Variants in DCAF1 observed in about 807,000 individuals in gnomAD.
DCAF1 encodes the protein DDB1 and CUL4 associated factor 1.
A neutral mutation model predicts 128.0 loss-of-function variants in DCAF1; 15 were observed. The ratio of observed to expected loss-of-function variants is 0.12; its 90% CI spans 0.08 to 0.18. The LOEUF (loss-of-function observed/expected upper bound fraction) is 0.18. DCAF1 is among the 10% of genes least tolerant of loss of function. The probability of loss-of-function intolerance (pLI) is 1.00; values close to 1 mark genes in which losing one functional copy is unlikely to be tolerated. For missense variants in DCAF1, 988 were observed against 1,649.5 expected (o/e 0.60, Z 6.95); for synonymous variants, 610 against 603.0 (o/e 1.01, Z -0.17).
chr3:51,424,724 A>G (rs1213106610), intron 13 of DCAF1, among the ~76,000 whole-genome samples: 1 of 152,242 alleles, frequency 6.6e-6, no homozygotes, highest in Non-Finnish European at 1.5e-5. Flanking sequence ...ATATAAGGGT[A>G]AAAAAAGCAA....
At chr3:51,401,650 G>A (rs1315106232) in intron 24 of DCAF1, among the ~76,000 whole-genome samples, 1 of 152,196 alleles carries the variant, frequency 6.6e-6, no homozygotes, top group Admixed American at 6.5e-5. Flanking sequence ...AATTGTACAG[G>A]CCAAATACAA....
chr3:51,441,033 C>G lies in DCAF1; in HGVS notation c.1065G>C (p.Leu355=). 1 of 1,612,868 alleles carries G rather than the reference C, an allele frequency of 6.2e-7. No homozygotes were observed. Among genetic ancestry groups the G allele is most frequent in the Non-Finnish European group, 8.5e-7 (1 of 1,179,436 alleles). Residue 355 remains leucine (L), a synonymous_variant, in exon 9 of 25, where the codon CTG becomes CTC. Coordinates refer to ENST00000684031, the MANE Select transcript of DCAF1 (RefSeq NM_001387579.1). ...GCTTCAGGTCAATATAGAACATCAT[C>G]AGCTCCCGTGATCCAAGTTGCATGA... ...PIFMQLGSRE[L]MMFYIDLKQT... is the part of the protein sequence containing the mutation.
chr3:51,445,847 G>A (rs1553640125), intron 6 of DCAF1, among the ~76,000 whole-genome samples: 3 of 152,128 alleles, frequency 2.0e-5, no homozygotes, highest in African/African-American at 4.8e-5. Flanking sequence ...TCTGATGGGT[G>A]TAAAAACAGC....
At chr3:51,413,175 TTCTC>T in intron 21 of DCAF1, 103 bp downstream of exon 21, 3 of 1,547,422 alleles carry the variant, frequency 1.9e-6, no homozygotes, top group South Asian at 1.2e-5. Flanking sequence ...TTTCCATAAC[TTCTC>T]TGTTTTTCAA....
At chr3:51,446,993 T>TAATAATAATAAAAAA (rs1457860366) in intron 6 of DCAF1, among the ~76,000 whole-genome samples, 1 of 147,542 alleles carries the variant, frequency 6.8e-6, no homozygotes, top group Non-Finnish European at 1.5e-5. Flanking sequence ...ATAATAATAA[T>TAATAATAATAAAAAA]AATAATAAAA....
intron 1 of DCAF1, among the ~76,000 whole-genome samples, chr3:51,499,647 A>C (rs1708634282): frequency 6.6e-6 from 1 of 151,374 alleles, no homozygotes; most frequent in Non-Finnish European, 1.5e-5. Context: ...GGAGTGGAGG[A>C]AGAACGTGGA....
chr3:51,401,534 A>G (rs1432187883), intron 24 of DCAF1, among the ~76,000 whole-genome samples: 2 of 152,210 alleles, frequency 1.3e-5, no homozygotes, highest in African/African-American at 4.8e-5. Context: ...TCACATCGTA[A>G]ATATTCTCAT....
intron 8 of DCAF1, 43 bp downstream of exon 8, chr3:51,441,342 A>G (rs782618551): frequency 1.3e-6 from 2 of 1,568,624 alleles, no homozygotes; most frequent in South Asian, 2.4e-5. Flanking sequence ...AAATGAACAC[A>G]ATAATTCCTA....
chr3:51,476,693 C>G (rs1261913147), intron 3 of DCAF1, among the ~76,000 whole-genome samples: 1 of 150,834 alleles, frequency 6.6e-6, no homozygotes, highest in African/African-American at 2.4e-5. Context: ...CTGGCTAACA[C>G]GGTGAAACCC....
At chr3:51,449,643 T>C (rs992446982) in intron 6 of DCAF1, among the ~76,000 whole-genome samples, 1 of 151,554 alleles carries the variant, frequency 6.6e-6, no homozygotes, top group Non-Finnish European at 1.5e-5. Context: ...GCAAAAGAAA[T>C]AATAAAGATT....
rs544907271 is a variant in DCAF1, at chr3:51,430,648, C to T, written c.1288-436G>A. ...ACACATTTTGATGTCTACTATGGGT[C>T]AGAAAATGAAACTGTAAAGCATCCC... is the stretch of plus-strand genomic sequence containing the variant. On this transcript the variant is annotated intron_variant, in intron 10 of 24. Coordinates refer to ENST00000684031, the MANE Select transcript of DCAF1 (RefSeq NM_001387579.1). Among the ~76,000 whole-genome samples the T allele has an allele frequency of 2.0e-5, 3 of 152,260 alleles. No individual in the cohort carries two copies. In the East Asian group the frequency reaches 5.8e-4, roughly 29 times the overall value.
At chr3:51,460,802 A>C (rs1436680896) in intron 6 of DCAF1, among the ~76,000 whole-genome samples, 95 of 151,180 alleles carry the variant, frequency 6.3e-4, no homozygotes, top group Admixed American at 1.6e-3. Flanking sequence ...CAAAAACAAG[A>C]AATGGGGAAA....
chr3:51,502,125 G>C (rs192500971), upstream of DCAF1, among the ~76,000 whole-genome samples: 611 of 152,286 alleles, frequency 4.0e-3, 19 homozygotes, highest in Admixed American at 0.035. Flanking sequence ...AGCCGGCCCA[G>C]TGGTGACTTC....
intron 4 of DCAF1, among the ~76,000 whole-genome samples, chr3:51,467,566 T>C (rs868992711): frequency 2.0e-5 from 3 of 152,052 alleles, no homozygotes; most frequent in Middle Eastern, 6.8e-3. Context: ...AGTTAATGGG[T>C]GCAGCACACC....
At chr3:51,402,173 T>C (rs2089750646) in intron 24 of DCAF1, among the ~76,000 whole-genome samples, 1 of 151,936 alleles carries the variant, frequency 6.6e-6, no homozygotes. Flanking sequence ...AAAAGGTAAA[T>C]AAAAGGAAGT....
chr3:51,477,771 T>C (rs1407643676), intron 3 of DCAF1, among the ~76,000 whole-genome samples: 3 of 152,166 alleles, frequency 2.0e-5, no homozygotes, highest in African/African-American at 7.2e-5. Flanking sequence ...GAAGTTCAGA[T>C]AAGTGCCTCT....
In DCAF1 at chr3:51,441,547, T is replaced by A. The variant is rs1553638712; in HGVS notation, c.864A>T (p.Ser288=). ...FRKAKQKLGF[S]SSDPDRMFVE... ...CAAACATGCGATCTGGATCAGAAGA[T>A]GAGAAACCCAACTTTTGCTTGGCTT... Residue 288 remains serine, a synonymous_variant, in exon 8 of 25, where the codon TCA becomes TCT. Transcript: ENST00000684031. The A allele has an allele frequency of 1.2e-6, 2 of 1,614,028 alleles. No homozygotes were observed. The highest frequency in any genetic ancestry group is 2.2e-5 in the South Asian group (2 of 91,086).
intron 2 of DCAF1, among the ~76,000 whole-genome samples, chr3:51,490,056 T>A (rs911386762): frequency 1.1e-4 from 17 of 151,906 alleles, no homozygotes; most frequent in Non-Finnish European, 1.5e-5. Flanking sequence ...TGAAAGTAAA[T>A]GAAGAGAACA....
intron 7 of DCAF1, among the ~76,000 whole-genome samples, chr3:51,443,394 G>T (rs572659466): frequency 6.6e-6 from 1 of 152,132 alleles, no homozygotes; most frequent in South Asian, 2.1e-4. Flanking sequence ...TTCGAGACCA[G>T]CCCGACCAAC....
Sources: gnomAD v4.1 joint callset for allele counts (sites outside exome capture counted in the v4.1 genomes callset) on GRCh38, gnomAD v4.1.1 for gene constraint, MANE v1.5 for transcripts, NCBI Gene and HGNC (gene_info 2026-07-23, HGNC 2026-07-21) for gene names.